Variants in SYT1 observed in about 807,000 individuals in gnomAD.
The protein encoded by SYT1 is synaptotagmin-1.
In SYT1, 8 loss-of-function variants were observed where a neutral mutation model predicts 44.8. The ratio of observed to expected loss-of-function variants is 0.18; its 90% CI spans 0.10 to 0.32. The LOEUF is 0.32. Ranked by LOEUF, SYT1 falls within the 10% of genes least tolerant of loss-of-function variation. The probability of loss-of-function intolerance (pLI) is 1.00; values close to 1 mark genes in which losing one functional copy is unlikely to be tolerated. For synonymous variants in SYT1, 154 were observed against 188.8 expected, an observed-to-expected ratio of 0.82 and a Z score of 1.51; for missense variants, 286 against 509.3, an observed-to-expected ratio of 0.56 and a Z score of 4.22.
intron 3 of SYT1, among the ~76,000 whole-genome samples, chr12:79,095,409 T>G (rs1428810279): frequency 6.6e-6 from 1 of 151,922 alleles, no homozygotes; most frequent in East Asian, 1.9e-4. Context: ...CAAAGGAGTC[T>G]TTAAGGGTAA....
At chr12:78,867,449 G>T (rs910859644) in intron 1 of SYT1, among the ~76,000 whole-genome samples, 1 of 152,036 alleles carries the variant, frequency 6.6e-6, no homozygotes, top group Non-Finnish European at 1.5e-5. Context: ...TATAGTGAGT[G>T]GATTGGGGAG....
At chr12:79,034,332 T>C (rs1428357531) in intron 2 of SYT1, among the ~76,000 whole-genome samples, 1 of 151,494 alleles carries the variant, frequency 6.6e-6, no homozygotes, top group Non-Finnish European at 1.5e-5. Context: ...ATTTTACTGA[T>C]GAAGAAATTA....
intron 9 of SYT1, among the ~76,000 whole-genome samples, chr12:79,370,241 G>A (rs1428454208): frequency 6.6e-6 from 1 of 152,170 alleles, no homozygotes. Context: ...GCAGAGGGCA[G>A]ATACAGTCTC....
intron 2 of SYT1, among the ~76,000 whole-genome samples, chr12:79,037,600 A>G (rs1354763205): frequency 1.3e-5 from 2 of 151,748 alleles, no homozygotes; most frequent in East Asian, 3.9e-4. Context: ...ATGGTTGTCA[A>G]TGGTTAGACA....
chr12:78,931,662 T>C (rs1225189770), intron 1 of SYT1, among the ~76,000 whole-genome samples: 1 of 152,192 alleles, frequency 6.6e-6, no homozygotes, highest in African/African-American at 2.4e-5. Context: ...GTTTTGAGAC[T>C]TCTAACAGAC....
chr12:79,220,296 G>C (rs893304214), intron 4 of SYT1, among the ~76,000 whole-genome samples: 4 of 151,812 alleles, frequency 2.6e-5, no homozygotes, highest in Admixed American at 2.0e-4. Flanking sequence ...ATTTATTTGA[G>C]TCTTCTCTCT....
chr12:78,884,484 T>C lies in SYT1; in HGVS notation c.-217+19375T>C, dbSNP rs1030157134. 3.3e-5 allele frequency among the ~76,000 whole-genome samples: 5 copies of C among 151,778 alleles called. No homozygotes were observed. In the South Asian group the frequency reaches 8.3e-4, roughly 25 times the overall value. On this transcript the variant is annotated intron_variant, in intron 1 of 10. Coordinates refer to ENST00000261205, the MANE Select transcript of SYT1 (RefSeq NM_005639.3). ...AAGGTGTACTAAAGGATTTTATAGA[T>C]TGATCATGTCTAAAGATTTTTGTAA...
chr12:79,169,307 T>C (rs1871378201), intron 3 of SYT1, among the ~76,000 whole-genome samples: 1 of 151,968 alleles, frequency 6.6e-6, no homozygotes, highest in African/African-American at 2.4e-5. Flanking sequence ...TGTACTACTA[T>C]TCACTGGAAA....
At chr12:78,945,444 A>G (rs1654206056) in intron 1 of SYT1, among the ~76,000 whole-genome samples, 1 of 149,316 alleles carries the variant, frequency 6.7e-6, no homozygotes, top group Non-Finnish European at 1.5e-5. Flanking sequence ...ATTCATACAT[A>G]TTTTACATTT....
chr12:79,273,396 CA>C (rs946809387), intron 4 of SYT1, among the ~76,000 whole-genome samples: 11 of 152,070 alleles, frequency 7.2e-5, no homozygotes, highest in Admixed American at 3.3e-4. Context: ...AGTTATGAGC[CA>C]CCATGCCTGG....
chr12:79,435,776 G>A (rs1301539733), intron 9 of SYT1, among the ~76,000 whole-genome samples: 2 of 152,174 alleles, frequency 1.3e-5, no homozygotes, highest in African/African-American at 4.8e-5. Context: ...ATTATTTTCT[G>A]TTTGGGGTTG....
At chr12:79,447,256 C>A (rs1002098226) in intron 10 of SYT1, among the ~76,000 whole-genome samples, 1 of 151,750 alleles carries the variant, frequency 6.6e-6, no homozygotes, top group Non-Finnish European at 1.5e-5. Flanking sequence ...CTAGTCTTCA[C>A]CTTTTTCTAG....
chr12:78,988,105 CTTA>C (rs1393661650), intron 2 of SYT1, among the ~76,000 whole-genome samples: 1 of 151,944 alleles, frequency 6.6e-6, no homozygotes. Flanking sequence ...CAGTCAGTCA[CTTA>C]TTAATTCACT....
rs189436646 is a variant in SYT1, at chr12:79,184,983, G to A, written c.-17-32520G>A. On this transcript the variant is annotated intron_variant, in intron 3 of 10. Coordinates refer to ENST00000261205, the MANE Select transcript of SYT1 (RefSeq NM_005639.3). The stretch of plus-strand genomic sequence containing the variant: ...TTCCTGACATAAAACTGCATGAGCT[G>A]TGTTCTTACCGCAAGAGCATCTTCA... Among the ~76,000 whole-genome samples the A allele has an allele frequency of 1.7e-3, 256 of 152,184 alleles. 3 individuals are homozygous for A. The highest frequency in any genetic ancestry group is 5.8e-3 in the African/African-American group (243 of 41,550).
chr12:79,391,099 A>G lies in SYT1; in HGVS notation c.928+37480A>G, dbSNP rs942128382. Among the ~76,000 whole-genome samples, 14 of 152,240 alleles carry G rather than the reference A, an allele frequency of 9.2e-5. 1 individual carries two copies. Among genetic ancestry groups the G allele is most frequent in the African/African-American group, 3.1e-4 (13 of 41,542 alleles). ...AACCTCAGTCCTCTCATCTCACCTT[A>G]ATTGTGTCACTACTTTTAAGATTAG... On this transcript the variant is annotated intron_variant, in intron 9 of 10. Coordinates refer to ENST00000261205, the MANE Select transcript of SYT1 (RefSeq NM_005639.3).
chr12:78,901,505 T>C (rs1042591072), intron 1 of SYT1, among the ~76,000 whole-genome samples: 1 of 152,190 alleles, frequency 6.6e-6, no homozygotes, highest in Non-Finnish European at 1.5e-5. Context: ...TTAACATTTC[T>C]GTCTTAGCAT....
At chr12:79,095,754 A>G (rs1240063484) in intron 3 of SYT1, among the ~76,000 whole-genome samples, 3 of 151,834 alleles carry the variant, frequency 2.0e-5, no homozygotes, top group African/African-American at 7.3e-5. Flanking sequence ...GAGCAGAGTG[A>G]CTTGTTCTCC....
At chr12:79,225,670 A>G (rs1450802362) in intron 4 of SYT1, among the ~76,000 whole-genome samples, 1 of 152,202 alleles carries the variant, frequency 6.6e-6, no homozygotes, top group Admixed American at 6.5e-5. Context: ...AATCAAATTC[A>G]TATCTTGGCT....
At chr12:78,917,436 G>A (rs1443584261) in intron 1 of SYT1, among the ~76,000 whole-genome samples, 1 of 151,900 alleles carries the variant, frequency 6.6e-6, no homozygotes, top group South Asian at 2.1e-4. Context: ...ACAAGAAGGG[G>A]AACATCACAC....
Sources: gnomAD v4.1 joint callset for allele counts (sites outside exome capture counted in the v4.1 genomes callset) on GRCh38, gnomAD v4.1.1 for gene constraint, MANE v1.5 for transcripts, NCBI Gene and HGNC (gene_info 2026-07-23, HGNC 2026-07-21) for gene names.